Variants in DLG1 observed in about 807,000 individuals in gnomAD.
DLG1 encodes disks large homolog 1.
A neutral mutation model predicts 123.4 loss-of-function variants in DLG1; 42 were observed. The ratio of observed to expected loss-of-function variants is 0.34; its 90% confidence interval spans 0.27 to 0.44. DLG1 has a LOEUF of 0.44. Ranked by LOEUF, DLG1 falls within the 20% of genes least tolerant of loss-of-function variation. The probability of loss-of-function intolerance (pLI) is 1.00; values close to 1 mark genes in which losing one functional copy is unlikely to be tolerated. For missense variants in DLG1, 942 were observed against 1,082.6 expected (o/e 0.87, Z 1.82); for synonymous variants, 317 against 356.2 (o/e 0.89, Z 1.24).
chr3:197,274,045 A>T (rs1388888764), intron 4 of DLG1, among the ~76,000 whole-genome samples: 1 of 152,208 alleles, frequency 6.6e-6, no homozygotes, highest in Admixed American at 6.5e-5. Context: ...CAATATACAG[A>T]TTCAATGCAA....
At chr3:197,198,299 C>T (rs1239931707) in intron 4 of DLG1, among the ~76,000 whole-genome samples, 1 of 152,008 alleles carries the variant, frequency 6.6e-6, no homozygotes, top group Non-Finnish European at 1.5e-5. Context: ...ACTAGCCTTA[C>T]TAATATAGTC....
intron 5 of DLG1, among the ~76,000 whole-genome samples, chr3:197,191,822 A>G (rs1006954802): frequency 2.0e-5 from 3 of 152,212 alleles, no homozygotes; most frequent in Admixed American, 1.3e-4. Flanking sequence ...AAAGGAAGAG[A>G]AACAATTTTT....
intron 5 of DLG1, among the ~76,000 whole-genome samples, chr3:197,190,767 G>A (rs542977601): frequency 1.3e-5 from 2 of 152,094 alleles, no homozygotes; most frequent in African/African-American, 4.8e-5. Context: ...TCCCAGCACT[G>A]TGGGAGGCCG....
chr3:197,238,641 CA>C (rs1205812461), intron 4 of DLG1, among the ~76,000 whole-genome samples: 3 of 152,120 alleles, frequency 2.0e-5, no homozygotes, highest in African/African-American at 7.2e-5. Context: ...CTATCATCTC[CA>C]GCTACAACTG....
intron 3 of DLG1, among the ~76,000 whole-genome samples, chr3:197,291,303 A>ACACACG (rs1560183561): frequency 1.6e-5 from 1 of 60,642 alleles, no homozygotes; most frequent in African/African-American, 6.0e-5. Flanking sequence ...ACAAAGTTAC[A>ACACACG]CACACACACA....
chr3:197,066,693 G>C lies in DLG1; in HGVS notation c.2098+11C>G, dbSNP rs1351882810. Reference sequence around the variant, plus strand: ...CTAGAAGGTTATAAAACATCAATAGGCTTCACAAACCTTCTTGTTGATTCA... The same window carrying C: ...CTAGAAGGTTATAAAACATCAATAGCCTTCACAAACCTTCTTGTTGATTCA... On this transcript the variant is annotated intron_variant, in intron 20 of 24. Transcript: ENST00000667157. The C allele has an allele frequency of 6.3e-7, 1 of 1,582,994 alleles. No individual in the cohort carries two copies.
intron 24 of DLG1, 93 bp downstream of exon 24, chr3:197,051,484 A>G: frequency 2.2e-6 from 2 of 924,296 alleles, no homozygotes; most frequent in South Asian, 2.8e-5. Flanking sequence ...GGGTAGATGT[A>G]GGCATAGTTC....
At chr3:197,277,238 C>CTA (rs756064227) in intron 4 of DLG1, among the ~76,000 whole-genome samples, 9 of 151,476 alleles carry the variant, frequency 5.9e-5, no homozygotes, top group Non-Finnish European at 1.2e-4. Flanking sequence ...CTTTGAATCT[C>CTA]TAGTCTAGTT....
chr3:197,126,502 C>G (rs1779197245), intron 11 of DLG1, among the ~76,000 whole-genome samples: 2 of 140,632 alleles, frequency 1.4e-5, no homozygotes, highest in African/African-American at 4.9e-5. Context: ...AATCAGGGCA[C>G]TAATACTCAA....
At chr3:197,073,813 T>C (rs1231461609) in intron 18 of DLG1, among the ~76,000 whole-genome samples, 3 of 152,050 alleles carry the variant, frequency 2.0e-5, no homozygotes, top group African/African-American at 4.8e-5. Flanking sequence ...ATTTTTTTTT[T>C]CTTGATATTC....
chr3:197,280,128 AT>A (rs1173942529), intron 4 of DLG1, among the ~76,000 whole-genome samples: 2 of 152,046 alleles, frequency 1.3e-5, no homozygotes, highest in Non-Finnish European at 2.9e-5. Context: ...TCCTCTCTTC[AT>A]CTTTTCCCTC....
At chr3:197,077,854 T>C (rs1173184988) in intron 17 of DLG1, among the ~76,000 whole-genome samples, 2 of 152,154 alleles carry the variant, frequency 1.3e-5, no homozygotes, top group Admixed American at 6.6e-5. Flanking sequence ...AATTATTATT[T>C]TTTGGAGGGG....
chr3:197,078,369 T>C (rs1748679599), intron 17 of DLG1: 1 of 151,658 alleles, frequency 6.6e-6, no homozygotes, highest in Admixed American at 6.6e-5. Context: ...TTAGCTCAAA[T>C]TCTATGACTT....
intron 4 of DLG1, among the ~76,000 whole-genome samples, chr3:197,195,288 G>T (rs565364220): frequency 1.3e-5 from 2 of 148,580 alleles, no homozygotes; most frequent in African/African-American, 5.0e-5. Context: ...TCTTATCAAT[G>T]ATTTAAAAAA....
At chr3:197,289,611 C>T (rs574581476) in intron 3 of DLG1, among the ~76,000 whole-genome samples, 1 of 152,226 alleles carries the variant, frequency 6.6e-6, no homozygotes, top group African/African-American at 2.4e-5. Context: ...TTACTAAAAG[C>T]AAGTATGATT....
At chr3:197,156,692 A>C (rs571496561) in intron 5 of DLG1, among the ~76,000 whole-genome samples, 61 of 152,328 alleles carry the variant, frequency 4.0e-4, no homozygotes, top group South Asian at 1.5e-3. Context: ...AAATAAAAAA[A>C]AGGTTATGAG....
At chr3:197,183,500 C>A in intron 5 of DLG1, 1 of 1,312,114 alleles carries the variant, frequency 7.6e-7, no homozygotes, top group South Asian at 1.4e-5. Context: ...AATAAAAAAT[C>A]TATATTAAGA....
At chr3:197,120,149 T>C (rs1775502909) in intron 11 of DLG1, among the ~76,000 whole-genome samples, 1 of 151,998 alleles carries the variant, frequency 6.6e-6, no homozygotes, top group Non-Finnish European at 1.5e-5. Context: ...TAGTCCCACT[T>C]ACTCGGGAGG....
At chr3:197,179,468 G>A (rs1808935286) in intron 5 of DLG1, among the ~76,000 whole-genome samples, 1 of 151,996 alleles carries the variant, frequency 6.6e-6, no homozygotes, top group African/African-American at 2.4e-5. Context: ...AAAAGTGGAT[G>A]GCTTGTACTT....
Sources: allele counts gnomAD v4.1 joint callset (sites outside exome capture counted in the v4.1 genomes callset), GRCh38; gene constraint gnomAD v4.1.1; transcripts MANE v1.5; gene names NCBI Gene and HGNC (gene_info 2026-07-23, HGNC 2026-07-21).